Variants in GPHN observed in about 807,000 individuals in gnomAD.
GPHN encodes gephyrin.
Under a neutral mutation model 95.5 loss-of-function variants are expected in GPHN, and 17 were observed. The ratio of observed to expected loss-of-function variants is 0.18; its 90% CI spans 0.12 to 0.27. The LOEUF (loss-of-function observed/expected upper bound fraction) is 0.27. Among genes scored for constraint, GPHN ranks in the 10% least tolerant of loss-of-function variants. The pLI is 1.00. For synonymous variants in GPHN, 320 were observed against 322.5 expected (o/e 0.99, Z 0.08); for missense variants, 660 against 978.1 (o/e 0.67, Z 4.34).
chr14:67,415,196 A>G, the GPHN span, among the ~76,000 whole-genome samples: 1 of 152,252 alleles, frequency 6.6e-6, no homozygotes, highest in Non-Finnish European at 1.5e-5. Flanking sequence ...TATCACTCAG[A>G]CAGATGATCA....
intron 2 of GPHN, among the ~76,000 whole-genome samples, chr14:66,696,718 C>T (rs1043283935): frequency 6.6e-6 from 1 of 152,188 alleles, no homozygotes; most frequent in Non-Finnish European, 1.5e-5. Context: ...TGATGAAGTA[C>T]CCCAATTTGT....
At chr14:67,193,972 CA>C in the GPHN span, among the ~76,000 whole-genome samples, 68 of 95,250 alleles carry the variant, frequency 7.1e-4, no homozygotes, top group East Asian at 1.8e-3. Context: ...AAACGAAAAA[CA>C]AAAAAAAAAA....
chr14:66,685,765 G>T (rs1217049766), intron 2 of GPHN, among the ~76,000 whole-genome samples: 2 of 152,134 alleles, frequency 1.3e-5, no homozygotes, highest in African/African-American at 4.8e-5. Context: ...GATCCCATTT[G>T]TCAATTTTGC....
chr14:67,206,769 T>A, the GPHN span, among the ~76,000 whole-genome samples: 2 of 151,886 alleles, frequency 1.3e-5, no homozygotes, highest in African/African-American at 2.4e-5. Flanking sequence ...CTCACTCCGT[T>A]GCCCAGGCTG....
At chr14:67,581,839 G>A in the GPHN span, 1 of 501,436 alleles carries the variant, frequency 2.0e-6, no homozygotes, top group Non-Finnish European at 3.6e-6. Flanking sequence ...AAGCTTAATG[G>A]TATCTTCAGA....
chr14:67,687,996 C>T, the GPHN span, among the ~76,000 whole-genome samples: 1 of 152,118 alleles, frequency 6.6e-6, no homozygotes. Context: ...TGTTCTCGAA[C>T]TCCTGACCTC....
the GPHN span, among the ~76,000 whole-genome samples, chr14:67,563,352 C>T: frequency 6.6e-6 from 1 of 151,642 alleles, no homozygotes; most frequent in African/African-American, 2.4e-5. Context: ...TGTGAAAGTA[C>T]TTACAGTAGT....
intron 1 of GPHN, among the ~76,000 whole-genome samples, chr14:66,676,637 G>A (rs994056585): frequency 4.1e-5 from 6 of 147,816 alleles, no homozygotes; most frequent in African/African-American, 1.0e-4. Context: ...AACCATCCTC[G>A]CATACCTGGG....
rs1182702306 is a variant in GPHN at position 66,683,345 on chromosome 14, T to TGTTC, written c.143+2160_143+2161insGTTC. Among the ~76,000 whole-genome samples the TGTTC allele has an allele frequency of 2.4e-4, 20 of 83,792 alleles. 2 individuals carry two copies. The highest frequency in any genetic ancestry group is 5.8e-3 in the Middle Eastern group (1 of 172). 55.0% of individuals were successfully genotyped at this position (83,792 alleles called of 152,430 possible). ...CAATGTGGAAATATATATATATATA[T>TGTTC]ATATATATATATATATATATATATA... On this transcript the variant is annotated intron_variant, in intron 2 of 22. Coordinates refer to ENST00000478722, the MANE Select transcript of GPHN (RefSeq NM_020806.5).
At chr14:67,139,452 T>C (rs1191885756) in intron 17 of GPHN, among the ~76,000 whole-genome samples, 1 of 152,124 alleles carries the variant, frequency 6.6e-6, no homozygotes, top group African/African-American at 2.4e-5. Flanking sequence ...TTAGACTCTT[T>C]CTTTTATGGT....
the GPHN span, among the ~76,000 whole-genome samples, chr14:67,219,449 T>C: frequency 6.6e-6 from 1 of 152,210 alleles, no homozygotes; most frequent in Admixed American, 6.5e-5. Flanking sequence ...CTTAGCAGTT[T>C]ATTCATTGCT....
the GPHN span, among the ~76,000 whole-genome samples, chr14:67,229,063 G>C: frequency 6.6e-6 from 1 of 152,146 alleles, no homozygotes; most frequent in Non-Finnish European, 1.5e-5. Context: ...GTAATATGAG[G>C]GACACTACTA....
chr14:67,408,246 A>G, the GPHN span, among the ~76,000 whole-genome samples: 1 of 151,638 alleles, frequency 6.6e-6, no homozygotes, highest in African/African-American at 2.4e-5. Flanking sequence ...AGATTGCACC[A>G]TTGCACTCCA....
intron 4 of GPHN, among the ~76,000 whole-genome samples, chr14:66,849,531 G>A (rs1249782786): frequency 6.6e-6 from 1 of 151,660 alleles, no homozygotes; most frequent in Non-Finnish European, 1.5e-5. Flanking sequence ...ATTAATCATT[G>A]TTAATCTTAC....
intron 8 of GPHN, among the ~76,000 whole-genome samples, chr14:66,937,405 T>C (rs1378931320): frequency 6.6e-6 from 1 of 151,026 alleles, no homozygotes; most frequent in Non-Finnish European, 1.5e-5. Flanking sequence ...TTTTTGAGAC[T>C]GAGTCTCCTT....
In GPHN at chr14:66,537,941, C is replaced by T. The variant is rs559165879; in HGVS notation, c.64+29350C>T. 5.9e-5 allele frequency among the ~76,000 whole-genome samples: 9 copies of T among 152,272 alleles called. No homozygotes were observed. The South Asian group carries it at 1.9e-3, about 32-fold the overall frequency. The stretch of plus-strand genomic sequence containing the variant: ...CTCCTAGGCTCGAGCGATCCTCCTA[C>T]CTTATCCTCTCAAGTAGCTGGGAGT... On this transcript the variant is annotated intron_variant, in intron 1 of 22. Coordinates refer to ENST00000478722, the MANE Select transcript of GPHN (RefSeq NM_020806.5).
chr14:67,339,615 A>G, the GPHN span, among the ~76,000 whole-genome samples: 1 of 152,200 alleles, frequency 6.6e-6, no homozygotes, highest in African/African-American at 2.4e-5. Flanking sequence ...ATGGACATGC[A>G]TAATTTCTCT....
At chr14:67,351,279 C>T in the GPHN span, among the ~76,000 whole-genome samples, 5 of 152,080 alleles carry the variant, frequency 3.3e-5, no homozygotes, top group Non-Finnish European at 7.4e-5. Context: ...ACTCTACTGT[C>T]TATACAGTAC....
the GPHN span, among the ~76,000 whole-genome samples, chr14:67,263,980 C>T: frequency 2.5e-3 from 383 of 152,240 alleles, no homozygotes; most frequent in Non-Finnish European, 3.3e-3. Flanking sequence ...CCACTATAGC[C>T]GTGAACTCCT....
Sources: gnomAD v4.1 joint callset for allele counts (sites outside exome capture counted in the v4.1 genomes callset) on GRCh38, gnomAD v4.1.1 for gene constraint, MANE v1.5 for transcripts, NCBI Gene and HGNC (gene_info 2026-07-23, HGNC 2026-07-21) for gene names.